The following FBRSL1 variants were observed in gnomAD, a reference collection of about 807,000 sequenced individuals.
FBRSL1 encodes fibrosin like 1, also known as fibrosin-1-like protein.
A neutral mutation model predicts 89.6 loss-of-function variants in FBRSL1; 51 were observed. The ratio of observed to expected loss-of-function variants is 0.57; its 90% confidence interval spans 0.45 to 0.72. The LOEUF (loss-of-function observed/expected upper bound fraction) is 0.72. Among genes scored for constraint, FBRSL1 ranks in the 30% least tolerant of loss-of-function variants. The probability of loss-of-function intolerance (pLI) is 0.00; values close to 1 mark genes in which losing one functional copy is unlikely to be tolerated. For missense variants in FBRSL1, 1,618 were observed against 1,451.8 expected (o/e 1.11, Z -1.86); for synonymous variants, 779 against 681.1 (o/e 1.14, Z -2.24).
chr12:132,579,321 C>A (rs11146953), intron 15 of FBRSL1, among the ~76,000 whole-genome samples: 1 of 151,986 alleles, frequency 6.6e-6, no homozygotes. Flanking sequence ...ACGTCATCTC[C>A]GGTATCATTT....
At chr12:132,528,784 G>A (rs2036017972) in intron 4 of FBRSL1, among the ~76,000 whole-genome samples, 1 of 152,138 alleles carries the variant, frequency 6.6e-6, no homozygotes, top group African/African-American at 2.4e-5. Flanking sequence ...GGAAGCAGGT[G>A]TGTTTCAGTG....
chr12:132,549,896 G>A (rs1250712784), intron 5 of FBRSL1, among the ~76,000 whole-genome samples: 1 of 152,234 alleles, frequency 6.6e-6, no homozygotes, highest in Non-Finnish European at 1.5e-5. Flanking sequence ...GCTGAAAGAG[G>A]GTTCTAGAAT....
At chr12:132,564,783 C>T (rs1441656898) in intron 5 of FBRSL1, among the ~76,000 whole-genome samples, 1 of 114,308 alleles carries the variant, frequency 8.7e-6, no homozygotes, top group Non-Finnish European at 1.7e-5. Context: ...GCGCCCGCCA[C>T]CACGCCCGGC....
chr12:132,540,408 T>C (rs910742899), intron 4 of FBRSL1, among the ~76,000 whole-genome samples: 1 of 146,212 alleles, frequency 6.8e-6, no homozygotes, highest in Non-Finnish European at 1.5e-5. Context: ...CCATTCCCTG[T>C]GGGCCACCCT....
At chr12:132,558,809 G>C (rs1298243016) in intron 5 of FBRSL1, among the ~76,000 whole-genome samples, 1 of 152,346 alleles carries the variant, frequency 6.6e-6, no homozygotes, top group South Asian at 2.1e-4. Flanking sequence ...AAATAGAAAC[G>C]TGGCCACAGC....
At chr12:132,537,133 A>C (rs2036831695) in intron 4 of FBRSL1, among the ~76,000 whole-genome samples, 1 of 152,122 alleles carries the variant, frequency 6.6e-6, no homozygotes, top group African/African-American at 2.4e-5. Flanking sequence ...GCTCGACAGG[A>C]TGTGAGGGCA....
intron 10 of FBRSL1, 32 bp downstream of exon 10, chr12:132,572,376 G>A (rs751223378): frequency 3.9e-5 from 61 of 1,549,090 alleles, no homozygotes; most frequent in Admixed American, 1.6e-4. Flanking sequence ...GGCGCGTGTC[G>A]CTGTGCACGC....
At chr12:132,548,573 G>A (rs535980626) in intron 5 of FBRSL1, among the ~76,000 whole-genome samples, 303 of 152,330 alleles carry the variant, frequency 2.0e-3, no homozygotes, top group Non-Finnish European at 3.4e-3. Context: ...CCTGAGCCAC[G>A]TCCCCTCAGC....
At chr12:132,567,028 T>C (rs1437739240) in intron 5 of FBRSL1, among the ~76,000 whole-genome samples, 3 of 152,224 alleles carry the variant, frequency 2.0e-5, no homozygotes, top group Non-Finnish European at 2.9e-5. Flanking sequence ...GCGCCTGTGC[T>C]GGGCAGTGGT....
At chr12:132,511,985 T>C (rs1189337653) in intron 2 of FBRSL1, 43 of 985,378 alleles carry the variant, frequency 4.4e-5, no homozygotes, top group Non-Finnish European at 4.8e-5. Context: ...CAGACGAGCA[T>C]GTGTCTTACG....
Position 132,513,316 on chromosome 12 carries a change from G to C in FBRSL1, c.489+4966G>C, listed in dbSNP as rs142312760. Reference sequence around the variant, plus strand: ...GTTCCCTTGTTTCTGGAAGGGGTTGGTACTCAGTGGGGCTGCGCCTGCCCA... The same window carrying C: ...GTTCCCTTGTTTCTGGAAGGGGTTGCTACTCAGTGGGGCTGCGCCTGCCCA... On this transcript the variant is annotated intron_variant, in intron 2 of 18. Coordinates refer to ENST00000680143, the MANE Select transcript of FBRSL1 (RefSeq NM_001367871.1). Among the ~76,000 whole-genome samples, 30 of 152,262 alleles carry C rather than the reference G, an allele frequency of 2.0e-4. 1 individual carries two copies. In the East Asian group the frequency reaches 5.6e-3, roughly 28 times the overall value.
chr12:132,508,024 T>C, intron 1 of FBRSL1, 129 bp from the exon 2 acceptor site: 1 of 918,646 alleles, frequency 1.1e-6, no homozygotes, highest in Admixed American at 2.9e-5. Flanking sequence ...GCAGCCATCT[T>C]CCTTTCCCTC....
chr12:132,549,709 C>T (rs1300242058), intron 5 of FBRSL1, among the ~76,000 whole-genome samples: 1 of 152,176 alleles, frequency 6.6e-6, no homozygotes, highest in Non-Finnish European at 1.5e-5. Flanking sequence ...GTGGAGTCGG[C>T]GATGCCGGCG....
At chr12:132,544,767 G>A (rs539719957) in intron 4 of FBRSL1, among the ~76,000 whole-genome samples, 18 of 152,026 alleles carry the variant, frequency 1.2e-4, no homozygotes, top group African/African-American at 2.7e-4. Context: ...TGATTATGGC[G>A]GTGATGGCGA....
chr12:132,537,894 C>T (rs774817610), intron 4 of FBRSL1, among the ~76,000 whole-genome samples: 9 of 152,218 alleles, frequency 5.9e-5, no homozygotes, highest in African/African-American at 1.2e-4. Context: ...CGGAGATCAT[C>T]GCTGGGTGGG....
chr12:132,576,662 A>G (rs991935067), intron 14 of FBRSL1, 137 bp from the exon 15 acceptor site: 8 of 993,284 alleles, frequency 8.1e-6, no homozygotes, highest in Non-Finnish European at 1.2e-5. Context: ...AGTAGAGAAT[A>G]CACCCTTGAA....
rs1262449255 is a variant in FBRSL1, at chr12:132,583,507, C to G, written c.2738C>G (p.Ala913Gly). The change falls in exon 19 of 19, where the codon GCC (alanine) becomes GGC (glycine). Residue 913 changes from alanine (A) to glycine (G), a missense_variant. Transcript: ENST00000680143. ...ERARAPHLPP[A>G]APALDGALLP... ...GCGCGGGCCCCGCACCTGCCGCCCG[C>G]CGCCCCCGCCTTGGACGGCGCGCTG... The G allele has an allele frequency of 1.9e-6, 2 of 1,043,144 alleles. No individual in the cohort carries two copies. Among genetic ancestry groups the G allele is most frequent in the Non-Finnish European group, 1.2e-6 (1 of 866,822 alleles). The allele number at this position is 1,043,144 out of a possible 1,614,324, so 64.6% of individuals were successfully genotyped here.
chr12:132,519,376 G>A (rs931878973), intron 2 of FBRSL1, among the ~76,000 whole-genome samples: 4 of 152,214 alleles, frequency 2.6e-5, no homozygotes, highest in African/African-American at 9.7e-5. Context: ...GCCATACTGC[G>A]TGGTGTTAGC....
At chr12:132,528,873 G>T (rs1326272631) in intron 4 of FBRSL1, among the ~76,000 whole-genome samples, 1 of 152,162 alleles carries the variant, frequency 6.6e-6, no homozygotes, top group African/African-American at 2.4e-5. Context: ...TGGCACGGTG[G>T]AGGGCTCCTT....
Sources: gnomAD v4.1 joint callset for allele counts (sites outside exome capture counted in the v4.1 genomes callset) on GRCh38, gnomAD v4.1.1 for gene constraint, MANE v1.5 for transcripts, NCBI Gene and HGNC (gene_info 2026-07-23, HGNC 2026-07-21) for gene names.